Variants in TGFBR3 observed in about 807,000 individuals in gnomAD.
The protein encoded by TGFBR3 is transforming growth factor beta receptor type 3.
TGFBR3 carries 46 observed loss-of-function variants against 87.9 expected under a neutral mutation model. The ratio of observed to expected loss-of-function variants is 0.52; its 90% CI spans 0.41 to 0.67. TGFBR3 has a LOEUF of 0.67. Among genes scored for constraint, TGFBR3 ranks in the 30% least tolerant of loss-of-function variants. The probability of loss-of-function intolerance (pLI) is 0.00; values close to 1 mark genes in which losing one functional copy is unlikely to be tolerated. For synonymous variants in TGFBR3, 381 were observed against 391.6 expected (o/e 0.97, Z 0.32); for missense variants, 866 against 1,041.9 (o/e 0.83, Z 2.32).
chr1:91,840,501 A>G (rs574305243), intron 2 of TGFBR3, among the ~76,000 whole-genome samples: 125 of 145,988 alleles, frequency 8.6e-4, no homozygotes, highest in African/African-American at 3.1e-3. Flanking sequence ...TTGTAATATC[A>G]TGCATGATTT....
rs945269870 is a variant in TGFBR3 at position 91,787,943 on chromosome 1, G to GGAAAAAAAAAAAAAAAAAAAA, written c.246+9343_246+9344insTTTTTTTTTTTTTTTTTTTTC. ...ACAGAGCCAGACCCTGTCTCACGGG[G>GGAAAAAAAAAAAAAAAAAAAA]AAAAAAAAAAAAACCCCAAGAAGAA... On this transcript the variant is annotated intron_variant, in intron 3 of 16. Transcript: ENST00000212355. Among the ~76,000 whole-genome samples the GGAAAAAAAAAAAAAAAAAAAA allele has an allele frequency of 1.2e-3, 164 of 133,252 alleles. 4 individuals are homozygous for GGAAAAAAAAAAAAAAAAAAAA. The highest frequency in any genetic ancestry group is 4.5e-3 in the African/African-American group (148 of 32,592). 87.4% of individuals were successfully genotyped at this position (133,252 alleles called of 152,430 possible).
intron 2 of TGFBR3, among the ~76,000 whole-genome samples, chr1:91,853,675 C>T (rs568443562): frequency 3.7e-4 from 57 of 152,160 alleles, no homozygotes; most frequent in African/African-American, 1.2e-3. Context: ...AGGCACAGAG[C>T]GACAAATATC....
intron 2 of TGFBR3, among the ~76,000 whole-genome samples, chr1:91,857,224 G>A (rs1001704819): frequency 6.6e-6 from 1 of 152,050 alleles, no homozygotes; most frequent in Non-Finnish European, 1.5e-5. Context: ...GAAGAAGAGA[G>A]CATCCAAACC....
chr1:91,902,293 G>C (rs1679739276), intron 1 of TGFBR3, among the ~76,000 whole-genome samples: 1 of 150,564 alleles, frequency 6.6e-6, no homozygotes, highest in African/African-American at 2.4e-5. Context: ...GTGTGTGTGT[G>C]TGTGTGACAG....
chr1:91,853,878 C>T (rs1395750605), intron 2 of TGFBR3, among the ~76,000 whole-genome samples: 2 of 151,988 alleles, frequency 1.3e-5, no homozygotes, highest in African/African-American at 2.4e-5. Context: ...CCAGGTGTGG[C>T]GGCGCATGCC....
chr1:91,801,976 G>A (rs908977270), intron 2 of TGFBR3, among the ~76,000 whole-genome samples: 2 of 152,068 alleles, frequency 1.3e-5, no homozygotes, highest in Non-Finnish European at 2.9e-5. Context: ...TTAAGGGAGG[G>A]GACAAAAAGT....
intron 4 of TGFBR3, among the ~76,000 whole-genome samples, chr1:91,746,739 C>T (rs201927029): frequency 2.2e-4 from 24 of 107,484 alleles, no homozygotes; most frequent in African/African-American, 4.0e-4. Context: ...TTTTTTTTTT[C>T]ATCAAGGCTG....
chr1:91,826,555 C>G (rs1323899705), intron 2 of TGFBR3, among the ~76,000 whole-genome samples: 1 of 152,100 alleles, frequency 6.6e-6, no homozygotes, highest in Admixed American at 6.5e-5. Context: ...GAACCTCTCT[C>G]GCTCTTAGCT....
At chr1:91,753,253 G>A (rs534446189) in intron 4 of TGFBR3, among the ~76,000 whole-genome samples, 57 of 151,658 alleles carry the variant, frequency 3.8e-4, no homozygotes, top group Non-Finnish European at 3.7e-4. Context: ...AGCTGGTCAT[G>A]TTGGCATGCA....
At chr1:91,826,495 T>C (rs1376019845) in intron 2 of TGFBR3, among the ~76,000 whole-genome samples, 1 of 151,880 alleles carries the variant, frequency 6.6e-6, no homozygotes, top group Non-Finnish European at 1.5e-5. Context: ...AAAAGCTGAG[T>C]CAATTCAGCC....
In TGFBR3 at chr1:91,720,046, C is replaced by A; in HGVS notation, c.1260G>T (p.Gly420=). The A allele has an allele frequency of 6.2e-7, 1 of 1,614,194 alleles. No homozygotes were observed. Among genetic ancestry groups the A allele is most frequent in the African/African-American group, 1.3e-5 (1 of 75,064 alleles). Residue 420 remains glycine (G), a synonymous_variant, in exon 9 of 17, where the codon GGG becomes GGT. Transcript: ENST00000212355. ...RRVWNEEGED[G]LPRPKDPVIP... is the part of the protein sequence containing the mutation. ...TGACAGGGTCCTTTGGCCGAGGGAG[C>A]CCATCTTCTCCCTCTTCATTCCAGA...
In TGFBR3 at chr1:91,729,102, G is replaced by A. The variant is rs185225053; in HGVS notation, c.737+703C>T. ...CCAAGCACACAAGGGAGAGGCAAGCGCTATCGAATGGCTCTTTCGTATGTC... is the reference window on the plus strand; with the variant it reads ...CCAAGCACACAAGGGAGAGGCAAGCACTATCGAATGGCTCTTTCGTATGTC... On this transcript the variant is annotated intron_variant, in intron 6 of 16. Coordinates refer to ENST00000212355, the MANE Select transcript of TGFBR3 (RefSeq NM_003243.5). Among the ~76,000 whole-genome samples, 622 of 114,112 alleles carry A rather than the reference G, an allele frequency of 5.5e-3. 12 individuals are homozygous for A. Among genetic ancestry groups the A allele is most frequent in the African/African-American group, 0.02 (561 of 28,614 alleles). The allele number at this position is 114,112 out of a possible 152,430, so 74.9% of individuals were successfully genotyped here.
At chr1:91,806,902 T>C (rs1675855943) in intron 2 of TGFBR3, among the ~76,000 whole-genome samples, 1 of 152,172 alleles carries the variant, frequency 6.6e-6, no homozygotes, top group Admixed American at 6.5e-5. Context: ...TCTACCCCCA[T>C]GGGATGCAAG....
chr1:91,844,803 A>G (rs1265365881), intron 2 of TGFBR3, among the ~76,000 whole-genome samples: 1 of 152,250 alleles, frequency 6.6e-6, no homozygotes, highest in Non-Finnish European at 1.5e-5. Flanking sequence ...CCTTTTAACC[A>G]TAATAAAGCA....
In TGFBR3 at chr1:91,721,943, C is replaced by T; in HGVS notation, c.1075+12G>A. The T allele has an allele frequency of 6.2e-7, 1 of 1,611,880 alleles. No homozygotes were observed. The highest frequency in any genetic ancestry group is 8.5e-7 in the Non-Finnish European group (1 of 1,178,874). On this transcript the variant is annotated intron_variant, in intron 8 of 16. Coordinates refer to ENST00000212355, the MANE Select transcript of TGFBR3 (RefSeq NM_003243.5). ...GGTATTTTTTACATAACTTAAAAAA[C>T]TTCTAACTTACCATTATTTTCAAGC...
intron 1 of TGFBR3, among the ~76,000 whole-genome samples, chr1:91,904,776 G>C (rs1679808452): frequency 1.3e-5 from 2 of 152,048 alleles, no homozygotes; most frequent in Non-Finnish European, 2.9e-5. Flanking sequence ...ATGTTGGCCA[G>C]GCTGGTCTCG....
chr1:91,874,103 A>C (rs978738878), intron 1 of TGFBR3, among the ~76,000 whole-genome samples: 6 of 152,210 alleles, frequency 3.9e-5, no homozygotes, highest in Non-Finnish European at 1.5e-5. Flanking sequence ...ATTCTAGCTA[A>C]AGGAGACAGA....
intron 2 of TGFBR3, among the ~76,000 whole-genome samples, chr1:91,799,747 TCCTCTGCATGATGCCA>T (rs1430947494): frequency 6.6e-6 from 1 of 152,242 alleles, no homozygotes; most frequent in South Asian, 2.1e-4. Context: ...TGATCTGCCC[TCCTCTGCATGATGCCA>T]CCATCACCCA....
At chr1:91,875,913 A>G (rs907698495) in intron 1 of TGFBR3, among the ~76,000 whole-genome samples, 1 of 149,758 alleles carries the variant, frequency 6.7e-6, no homozygotes, top group Non-Finnish European at 1.5e-5. Flanking sequence ...TCCGTCTCAA[A>G]AAAAAAAAAA....
Sources: gnomAD v4.1 joint callset for allele counts (sites outside exome capture counted in the v4.1 genomes callset) on GRCh38, gnomAD v4.1.1 for gene constraint, MANE v1.5 for transcripts, NCBI Gene and HGNC (gene_info 2026-07-23, HGNC 2026-07-21) for gene names.